Variants in AUTS2 observed in about 807,000 individuals in gnomAD.
The protein encoded by AUTS2 is autism susceptibility gene 2 protein.
Under a neutral mutation model 112.4 loss-of-function variants are expected in AUTS2, and 17 were observed. The ratio of observed to expected loss-of-function variants is 0.15; its 90% CI spans 0.10 to 0.23. AUTS2 has a LOEUF of 0.23. Ranked by LOEUF, AUTS2 falls within the 10% of genes least tolerant of loss-of-function variation. The probability of loss-of-function intolerance (pLI) is 1.00; values close to 1 mark genes in which losing one functional copy is unlikely to be tolerated. For missense variants in AUTS2, 1,510 were observed against 1,701.6 expected (o/e 0.89, Z 1.98); for synonymous variants, 751 against 702.7 (o/e 1.07, Z -1.09).
At chr7:70,224,115 G>GATC (rs1281727345) in intron 4 of AUTS2, among the ~76,000 whole-genome samples, 1 of 152,118 alleles carries the variant, frequency 6.6e-6, no homozygotes, top group Non-Finnish European at 1.5e-5. Flanking sequence ...AGGAGTTCAA[G>GATC]ATCAGCCTGT....
chr7:70,290,610 C>A (rs555126470), intron 4 of AUTS2: 1 of 1,427,950 alleles, frequency 7.0e-7, no homozygotes. Context: ...TTAAACACTT[C>A]CCTCCTTTTC....
intron 6 of AUTS2, among the ~76,000 whole-genome samples, chr7:70,707,949 C>T (rs1026148649): frequency 3.9e-5 from 6 of 152,174 alleles, no homozygotes; most frequent in East Asian, 1.9e-4. Context: ...CTCCGATCTG[C>T]GTCTCTGACC....
intron 4 of AUTS2, among the ~76,000 whole-genome samples, chr7:70,325,211 C>T (rs1413439367): frequency 1.3e-5 from 2 of 152,090 alleles, no homozygotes; most frequent in African/African-American, 4.8e-5. Context: ...GTAATCCCAG[C>T]TCTTTGAGAG....
intron 4 of AUTS2, among the ~76,000 whole-genome samples, chr7:70,412,537 T>G (rs1356697793): frequency 6.6e-6 from 1 of 152,220 alleles, no homozygotes; most frequent in Non-Finnish European, 1.5e-5. Context: ...ACATGACACC[T>G]TAAAGGTGGC....
At position 69,790,566 on chromosome 7, in the gene AUTS2, A is replaced by G. The variant is rs1056452255; in HGVS notation, c.310-108720A>G. 7.9e-5 allele frequency among the ~76,000 whole-genome samples: 12 copies of G among 152,218 alleles called. No individual in the cohort carries two copies. In the East Asian group the frequency reaches 2.1e-3, roughly 27 times the overall value. On this transcript the variant is annotated intron_variant, in intron 1 of 18. Coordinates refer to ENST00000342771, the MANE Select transcript of AUTS2 (RefSeq NM_015570.4). ...CTGGCTTTGTGACCTTGAGTAAGCT[A>G]TAACTCTATTTTTCAGTTTTCTCAC...
intron 1 of AUTS2, among the ~76,000 whole-genome samples, chr7:69,755,111 A>G (rs1024964803): frequency 6.6e-6 from 1 of 152,174 alleles, no homozygotes; most frequent in Non-Finnish European, 1.5e-5. Context: ...TCACCCATCA[A>G]GTGGTTTGGG....
chr7:70,601,111 G>A lies in AUTS2; in HGVS notation c.691-97458G>A, dbSNP rs192069884. On this transcript the variant is annotated intron_variant, in intron 5 of 18. Coordinates refer to ENST00000342771, the MANE Select transcript of AUTS2 (RefSeq NM_015570.4). ...GAACTCCCAGACTGTTTTCCAAAGT[G>A]ACTGTACCATTTGACATTCTTACAA... 6.8e-4 allele frequency among the ~76,000 whole-genome samples: 103 copies of A among 152,334 alleles called. 1 individual carries two copies. Among genetic ancestry groups the A allele is most frequent in the Admixed American group, 6.4e-3 (98 of 15,306 alleles).
intron 2 of AUTS2, among the ~76,000 whole-genome samples, chr7:69,994,172 G>A (rs766894834): frequency 4.6e-5 from 7 of 152,190 alleles, no homozygotes; most frequent in East Asian, 1.9e-4. Flanking sequence ...TTGAGGTTAC[G>A]ATGAGCTATG....
chr7:69,725,914 T>C (rs1584140393), intron 1 of AUTS2, among the ~76,000 whole-genome samples: 2 of 152,222 alleles, frequency 1.3e-5, no homozygotes, highest in East Asian at 1.9e-4. Flanking sequence ...ACAATTACAA[T>C]CTTGGCTTGC....
At chr7:70,786,827 C>T (rs1791527515) in intron 17 of AUTS2, 1 of 344,478 alleles carries the variant, frequency 2.9e-6, no homozygotes, top group African/African-American at 2.2e-5. Flanking sequence ...ACAGTGACTT[C>T]TACTGTGAAT....
At chr7:70,583,323 C>A (rs1231281790) in intron 5 of AUTS2, among the ~76,000 whole-genome samples, 1 of 152,214 alleles carries the variant, frequency 6.6e-6, no homozygotes, top group Non-Finnish European at 1.5e-5. Context: ...CACAGCCTAA[C>A]AAGCTCAAGG....
intron 2 of AUTS2, among the ~76,000 whole-genome samples, chr7:69,941,800 T>C (rs1796636577): frequency 2.6e-5 from 4 of 152,176 alleles, no homozygotes; most frequent in Admixed American, 2.6e-4. Context: ...GAAGATCTTC[T>C]GCAACACAGG....
intron 4 of AUTS2, among the ~76,000 whole-genome samples, chr7:70,141,945 A>G (rs192679810): frequency 3.6e-4 from 55 of 152,324 alleles, no homozygotes; most frequent in Admixed American, 3.3e-3. Flanking sequence ...ACTATGTTTA[A>G]CTTCAGCTTC....
At position 70,121,637 on chromosome 7, in the gene AUTS2, C is replaced by T. The variant is rs76941301; in HGVS notation, c.624+3404C>T. ...ACTGTAACGAGATTATCATTTTATA[C>T]CTAGTAGGATGGTTATGCTTTTAAA... On this transcript the variant is annotated intron_variant, in intron 3 of 18. Coordinates refer to ENST00000342771, the MANE Select transcript of AUTS2 (RefSeq NM_015570.4). Among the ~76,000 whole-genome samples the T allele has an allele frequency of 3.3e-5, 5 of 152,070 alleles. No individual in the cohort carries two copies. The East Asian group carries it at 5.8e-4, about 18-fold the overall frequency.
At chr7:70,101,990 A>C (rs1172583426) in intron 2 of AUTS2, among the ~76,000 whole-genome samples, 1 of 151,854 alleles carries the variant, frequency 6.6e-6, no homozygotes, top group African/African-American at 2.4e-5. Context: ...CATTTATTTT[A>C]TATATTTTGT....
At chr7:69,932,531 T>C (rs138992802) in intron 2 of AUTS2, among the ~76,000 whole-genome samples, 279 of 152,352 alleles carry the variant, frequency 1.8e-3, no homozygotes, top group Middle Eastern at 3.4e-3. Flanking sequence ...AAACTTTGGC[T>C]AAGATATTGG....
intron 1 of AUTS2, among the ~76,000 whole-genome samples, chr7:69,844,125 G>C (rs1038654246): frequency 1.3e-5 from 2 of 152,092 alleles, no homozygotes; most frequent in Non-Finnish European, 2.9e-5. Flanking sequence ...GTAGAGCAAT[G>C]TGTGATTAAA....
At chr7:70,386,018 A>G (rs946221943) in intron 4 of AUTS2, among the ~76,000 whole-genome samples, 2 of 152,194 alleles carry the variant, frequency 1.3e-5, no homozygotes, top group African/African-American at 4.8e-5. Context: ...TTCTAGTTAT[A>G]AGGCCTATAC....
intron 1 of AUTS2, among the ~76,000 whole-genome samples, chr7:69,761,706 C>G (rs1788192368): frequency 6.6e-6 from 1 of 152,056 alleles, no homozygotes; most frequent in African/African-American, 2.4e-5. Flanking sequence ...CAGAAAATCC[C>G]CTTGCTCTCA....
Sources: allele counts gnomAD v4.1 joint callset (sites outside exome capture counted in the v4.1 genomes callset), GRCh38; gene constraint gnomAD v4.1.1; transcripts MANE v1.5; gene names NCBI Gene and HGNC (gene_info 2026-07-23, HGNC 2026-07-21).